The following CYTH1 variants were observed in gnomAD, a reference collection of about 807,000 sequenced individuals.
CYTH1 encodes cytohesin-1.
A neutral mutation model predicts 61.8 loss-of-function variants in CYTH1; 18 were observed. The observed-to-expected ratio is 0.29, with a 90% CI of 0.20 to 0.43. CYTH1 has a LOEUF of 0.43. Among genes scored for constraint, CYTH1 ranks in the 20% least tolerant of loss-of-function variants. CYTH1 has a pLI of 1.00. For missense variants in CYTH1, 336 were observed against 510.5 expected (o/e 0.66, Z 3.29); for synonymous variants, 174 against 184.3 (o/e 0.94, Z 0.45).
chr17:78,712,062 G>C (rs2093138115), intron 1 of CYTH1, among the ~76,000 whole-genome samples: 1 of 143,192 alleles, frequency 7.0e-6, no homozygotes, highest in African/African-American at 2.6e-5. Context: ...CTGGGCAACA[G>C]AGCCAGACAA....
In CYTH1 at chr17:78,727,099, A is replaced by G. The variant is rs185747099; in HGVS notation, c.23-17367T>C. Among the ~76,000 whole-genome samples the G allele has an allele frequency of 2.6e-5, 4 of 152,350 alleles. No individual in the cohort carries two copies. The East Asian group carries it at 5.8e-4, about 22-fold the overall frequency. ...TAAAGCGGAAAATGAGGCACAAGGA[A>G]TACATTCAAATCTCGCAGTTTCATC... On this transcript the variant is annotated intron_variant, in intron 1 of 13. Coordinates refer to ENST00000446868, the MANE Select transcript of CYTH1 (RefSeq NM_004762.6).
intron 1 of CYTH1, among the ~76,000 whole-genome samples, chr17:78,744,869 C>G (rs1218449810): frequency 6.7e-6 from 1 of 149,930 alleles, no homozygotes; most frequent in Non-Finnish European, 1.5e-5. Context: ...AAAAGAAAAC[C>G]TAAACCATAT....
chr17:78,760,448 TATATATACATAC>T (rs1330782256), intron 1 of CYTH1, among the ~76,000 whole-genome samples: 1 of 55,802 alleles, frequency 1.8e-5, no homozygotes, highest in Admixed American at 2.0e-4. Context: ...TATATGTATA[TATATATACATAC>T]ATATATATAT....
In CYTH1 at chr17:78,719,726, A is replaced by C. The variant is rs117976628; in HGVS notation, c.23-9994T>G. Among the ~76,000 whole-genome samples the C allele has an allele frequency of 2.1e-3, 316 of 152,342 alleles. 1 individual carries two copies. The highest frequency in any genetic ancestry group is 3.4e-3 in the Non-Finnish European group (231 of 68,026). ...AGCCTGAAATTTTGAGACAGTCCTC[A>C]GGATAAATGTTAGGATCAGAGGATG... is the stretch of plus-strand genomic sequence containing the variant. On this transcript the variant is annotated intron_variant, in intron 1 of 13. Transcript: ENST00000446868.
At chr17:78,723,897 C>A (rs1404904368) in intron 1 of CYTH1, 2 of 152,428 alleles carry the variant, frequency 1.3e-5, no homozygotes, top group African/African-American at 4.8e-5. Flanking sequence ...ACTGACCAGA[C>A]TGCTCCAACA....
At chr17:78,680,404 T>A in intron 12 of CYTH1, 60 bp from the exon 13 acceptor site, 2 of 1,522,872 alleles carry the variant, frequency 1.3e-6, no homozygotes, top group Non-Finnish European at 1.8e-6. Context: ...CTGAGAAACA[T>A]GCTGATTTCT....
At chr17:78,768,339 A>G (rs1308367679) in intron 1 of CYTH1, among the ~76,000 whole-genome samples, 1 of 151,360 alleles carries the variant, frequency 6.6e-6, no homozygotes, top group East Asian at 1.9e-4. Context: ...GGCATCACCC[A>G]CTCCCTGGGT....
intron 1 of CYTH1, among the ~76,000 whole-genome samples, chr17:78,720,571 A>C (rs1461859701): frequency 1.3e-5 from 2 of 152,156 alleles, no homozygotes; most frequent in African/African-American, 4.8e-5. Context: ...AGCCTGCTTC[A>C]GCCTCCCAAA....
intron 1 of CYTH1, among the ~76,000 whole-genome samples, chr17:78,725,274 C>T (rs1189541305): frequency 2.0e-5 from 3 of 152,210 alleles, no homozygotes; most frequent in Non-Finnish European, 4.4e-5. Flanking sequence ...CCCATATTAA[C>T]CATCACCTGA....
intron 1 of CYTH1, among the ~76,000 whole-genome samples, chr17:78,780,877 C>T (rs750414832): frequency 7.2e-5 from 11 of 152,036 alleles, no homozygotes; most frequent in Non-Finnish European, 1.3e-4. Flanking sequence ...CGTGGTGGCA[C>T]GCGCCTGTAG....
intron 1 of CYTH1, among the ~76,000 whole-genome samples, chr17:78,767,193 C>T (rs1234993515): frequency 6.6e-6 from 1 of 152,190 alleles, no homozygotes; most frequent in African/African-American, 2.4e-5. Context: ...CTCAGCCGGG[C>T]ATGGTGTCTC....
chr17:78,721,159 G>C (rs2093225106), intron 1 of CYTH1, among the ~76,000 whole-genome samples: 1 of 151,988 alleles, frequency 6.6e-6, no homozygotes, highest in African/African-American at 2.4e-5. Flanking sequence ...GTGAAACCCT[G>C]TCTCTACTAA....
intron 1 of CYTH1, among the ~76,000 whole-genome samples, chr17:78,769,016 C>T (rs190929963): frequency 7.4e-4 from 112 of 152,018 alleles, no homozygotes; most frequent in African/African-American, 2.5e-3. Flanking sequence ...TGTGGTGGCA[C>T]ATGCCTGTAA....
intron 2 of CYTH1, chr17:78,709,305 G>A (rs1348229892): frequency 1.4e-5 from 3 of 220,860 alleles, no homozygotes; most frequent in Non-Finnish European, 8.8e-6. Context: ...GCCGAGCTTC[G>A]CCTGAAGCCC....
In CYTH1 at chr17:78,782,211, C is replaced by T; in HGVS notation, c.13G>A (p.Asp5Asn). MEED[D>N]SYVPSDLTAE... Reference sequence around the variant, plus strand: ...GCCGGGGCGCACTGACCGTAGCTGTCGTCCTCCTCCATGGTGCGGGAGCCG... The same window carrying T: ...GCCGGGGCGCACTGACCGTAGCTGTTGTCCTCCTCCATGGTGCGGGAGCCG... The change falls in exon 1 of 14, where the codon GAC becomes AAC. Residue 5 changes from aspartate to asparagine, a missense_variant. By Grantham distance (23) the Asp-to-Asn change is conservative (BLOSUM62 1). Transcript: ENST00000446868. 2 of 1,367,728 alleles carry T rather than the reference C, an allele frequency of 1.5e-6. No individual in the cohort carries two copies. Among genetic ancestry groups the T allele is most frequent in the Non-Finnish European group, 9.6e-7 (1 of 1,045,552 alleles). 84.7% of individuals were successfully genotyped at this position (1,367,728 alleles called of 1,614,324 possible). A position where few individuals can be genotyped will look rare whatever the true frequency, so the allele number is the denominator to read the frequency against.
At chr17:78,725,082 C>G (rs1291685174) in intron 1 of CYTH1, among the ~76,000 whole-genome samples, 1 of 152,194 alleles carries the variant, frequency 6.6e-6, no homozygotes, top group African/African-American at 2.4e-5. Context: ...AGTAAGCCAT[C>G]CCACCTCTCC....
At chr17:78,750,361 C>T (rs2093375303) in intron 1 of CYTH1, among the ~76,000 whole-genome samples, 1 of 152,104 alleles carries the variant, frequency 6.6e-6, no homozygotes, top group Non-Finnish European at 1.5e-5. Context: ...GCACCAGGGG[C>T]TCTGCTGTGG....
At chr17:78,750,512 A>C (rs1350372529) in intron 1 of CYTH1, among the ~76,000 whole-genome samples, 5 of 152,130 alleles carry the variant, frequency 3.3e-5, no homozygotes, top group African/African-American at 1.2e-4. Context: ...TTATTGTTTA[A>C]AAAGTTGTTG....
chr17:78,778,472 T>C (rs539264614), intron 1 of CYTH1, among the ~76,000 whole-genome samples: 1 of 151,036 alleles, frequency 6.6e-6, no homozygotes, highest in Admixed American at 6.6e-5. Context: ...ACCCCATTTC[T>C]ACTAAAAACA....
Sources: gnomAD v4.1 joint callset for allele counts (sites outside exome capture counted in the v4.1 genomes callset) on GRCh38, gnomAD v4.1.1 for gene constraint, MANE v1.5 for transcripts, NCBI Gene and HGNC (gene_info 2026-07-23, HGNC 2026-07-21) for gene names.